The following ERC2 variants were observed in gnomAD, a reference collection of about 807,000 sequenced individuals.
The protein encoded by ERC2 is ERC protein 2.
A neutral mutation model predicts 114.8 loss-of-function variants in ERC2; 42 were observed. That is an observed-to-expected ratio of 0.37 (90% CI 0.29 to 0.47). The LOEUF (loss-of-function observed/expected upper bound fraction) is 0.47. Among genes scored for constraint, ERC2 ranks in the 20% least tolerant of loss-of-function variants. The pLI is 0.99. For synonymous variants in ERC2, 454 were observed against 425.5 expected, an observed-to-expected ratio of 1.07 and a Z score of -0.82; for missense variants, 939 against 1,150.7, an observed-to-expected ratio of 0.82 and a Z score of 2.66.
intron 13 of ERC2, among the ~76,000 whole-genome samples, chr3:55,912,030 G>A (rs2064840255): frequency 6.6e-6 from 1 of 152,214 alleles, no homozygotes; most frequent in South Asian, 2.1e-4. Flanking sequence ...ATACATTGGA[G>A]TGATCTACCA....
intron 14 of ERC2, among the ~76,000 whole-genome samples, chr3:55,788,446 C>T (rs2069691885): frequency 6.6e-6 from 1 of 152,158 alleles, no homozygotes; most frequent in African/African-American, 2.4e-5. Context: ...ACAGGCAATT[C>T]AAAACCAAAA....
chr3:55,818,461 G>A (rs2059987605), intron 14 of ERC2, among the ~76,000 whole-genome samples: 1 of 152,156 alleles, frequency 6.6e-6, no homozygotes, highest in Admixed American at 6.5e-5. Flanking sequence ...CTATTACACT[G>A]ATAAGATTTC....
intron 17 of ERC2, among the ~76,000 whole-genome samples, chr3:55,665,674 G>A (rs1186216294): frequency 1.3e-5 from 2 of 152,160 alleles, no homozygotes; most frequent in East Asian, 1.9e-4. Context: ...AAGGAAGTGC[G>A]CCTGCCTACA....
intron 17 of ERC2, among the ~76,000 whole-genome samples, chr3:55,570,942 A>G (rs1186835934): frequency 5.9e-5 from 9 of 152,056 alleles, no homozygotes; most frequent in Admixed American, 5.9e-4. Flanking sequence ...CCTGGCCAAC[A>G]TGGGGAAACC....
At chr3:56,150,365 A>G (rs535801468) in intron 4 of ERC2, among the ~76,000 whole-genome samples, 3 of 152,238 alleles carry the variant, frequency 2.0e-5, no homozygotes, top group East Asian at 3.9e-4. Flanking sequence ...CAATATAGTA[A>G]TTATCATTGT....
At chr3:55,589,993 A>C (rs1000203614) in intron 17 of ERC2, among the ~76,000 whole-genome samples, 3 of 152,216 alleles carry the variant, frequency 2.0e-5, no homozygotes, top group African/African-American at 7.2e-5. Flanking sequence ...CAAAAGTCTC[A>C]CATTCTCAAA....
chr3:56,091,951 A>T (rs1014008217), intron 6 of ERC2, among the ~76,000 whole-genome samples: 1 of 147,382 alleles, frequency 6.8e-6, no homozygotes, highest in Non-Finnish European at 1.5e-5. Flanking sequence ...AAAAATTTAC[A>T]CACTTGACAA....
At chr3:56,396,659 A>C (rs972905980) in intron 2 of ERC2, among the ~76,000 whole-genome samples, 8 of 152,170 alleles carry the variant, frequency 5.3e-5, no homozygotes, top group Non-Finnish European at 8.8e-5. Context: ...AATTACACAT[A>C]TCTTTCAAGT....
Position 55,610,074 on chromosome 3 carries a change from A to C in ERC2, c.*39+73720T>G, listed in dbSNP as rs1297033001. Among the ~76,000 whole-genome samples, 267 of 151,800 alleles carry C rather than the reference A, an allele frequency of 1.8e-3. 1 individual carries two copies. Among genetic ancestry groups the C allele is most frequent in the African/African-American group, 5.8e-3 (241 of 41,452 alleles). On this transcript the variant is annotated intron_variant, in intron 17 of 17. Transcript: ENST00000288221. The stretch of plus-strand genomic sequence containing the variant: ...ACAAACAAACACAAACAAAAAAAAA[A>C]AAAAAAAAAACAAGAATTCCTCTAA...
At chr3:55,583,395 CTTCTTT>C (rs2057374340) in intron 17 of ERC2, among the ~76,000 whole-genome samples, 1 of 128,752 alleles carries the variant, frequency 7.8e-6, no homozygotes, top group South Asian at 2.8e-4. Context: ...TCTTTCCTTC[CTTCTTT>C]CCTTCCTTCC....
At chr3:56,382,225 G>A (rs1248531383) in intron 2 of ERC2, among the ~76,000 whole-genome samples, 2 of 151,910 alleles carry the variant, frequency 1.3e-5, no homozygotes, top group Non-Finnish European at 2.9e-5. Context: ...CCCTCCTCTT[G>A]TGTACTAGAT....
intron 16 of ERC2, among the ~76,000 whole-genome samples, chr3:55,695,871 A>G (rs1179033789): frequency 3.3e-5 from 5 of 152,222 alleles, no homozygotes; most frequent in African/African-American, 1.2e-4. Context: ...TCTGGGAAAT[A>G]CTGGATTAAA....
chr3:55,805,512 C>T (rs2059453128), intron 14 of ERC2, among the ~76,000 whole-genome samples: 1 of 151,470 alleles, frequency 6.6e-6, no homozygotes, highest in African/African-American at 2.4e-5. Flanking sequence ...TGGGGTTGCT[C>T]GAATGATTGA....
chr3:55,769,304 A>G (rs9852746), intron 14 of ERC2, among the ~76,000 whole-genome samples: 41,772 of 151,870 alleles, frequency 0.28, 6,901 homozygotes, highest in African/African-American at 0.45. Context: ...GCAGTTTGGG[A>G]GCTGATAGTG....
chr3:56,132,988 A>G (rs1177234669), intron 6 of ERC2, among the ~76,000 whole-genome samples: 2 of 152,336 alleles, frequency 1.3e-5, no homozygotes, highest in East Asian at 3.9e-4. Flanking sequence ...CTATTATTAT[A>G]GCCATAATGT....
intron 3 of ERC2, among the ~76,000 whole-genome samples, chr3:56,204,316 C>T (rs1026183334): frequency 3.3e-5 from 5 of 152,068 alleles, no homozygotes; most frequent in African/African-American, 9.7e-5. Flanking sequence ...GTGCGTGGTA[C>T]ACAGTAGGTA....
At chr3:56,311,591 G>A (rs1288928221) in intron 2 of ERC2, among the ~76,000 whole-genome samples, 17 of 151,562 alleles carry the variant, frequency 1.1e-4, no homozygotes, top group African/African-American at 2.7e-4. Context: ...GAGCCACAGC[G>A]CCTGGCCAAT....
chr3:55,917,834 T>C (rs2065191071), intron 13 of ERC2, among the ~76,000 whole-genome samples: 1 of 152,200 alleles, frequency 6.6e-6, no homozygotes, highest in African/African-American at 2.4e-5. Context: ...AAATGCTTTG[T>C]GGATACCAGT....
intron 10 of ERC2, among the ~76,000 whole-genome samples, chr3:55,993,211 A>G (rs1281200223): frequency 1.3e-5 from 2 of 152,224 alleles, no homozygotes; most frequent in Non-Finnish European, 2.9e-5. Flanking sequence ...TAGTTTATAC[A>G]ACAGTGCACA....
Sources: allele counts gnomAD v4.1 joint callset (sites outside exome capture counted in the v4.1 genomes callset), GRCh38; gene constraint gnomAD v4.1.1; transcripts MANE v1.5; gene names NCBI Gene and HGNC (gene_info 2026-07-23, HGNC 2026-07-21).